The following CC2D2B variants were observed in gnomAD, a reference collection of about 807,000 sequenced individuals.
CC2D2B encodes the protein protein CC2D2B.
Under a neutral mutation model 161.2 loss-of-function variants are expected in CC2D2B, and 128 were observed. The observed-to-expected ratio is 0.79, with a 90% CI of 0.69 to 0.92. The LOEUF (loss-of-function observed/expected upper bound fraction) is 0.92, where lower values mean the gene tolerates loss of function less well. CC2D2B is among the 40% of genes least tolerant of loss of function. The pLI is 0.00. For synonymous variants in CC2D2B, 391 were observed against 449.8 expected (o/e 0.87, Z 1.65); for missense variants, 1,173 against 1,375.1 (o/e 0.85, Z 2.32).
intron 24 of CC2D2B, among the ~76,000 whole-genome samples, chr10:95,998,179 C>G (rs2078306588): frequency 6.6e-6 from 1 of 151,890 alleles, no homozygotes; most frequent in Non-Finnish European, 1.5e-5. Context: ...CACAAATGCC[C>G]TCACCACAGC....
intron 9 of CC2D2B, among the ~76,000 whole-genome samples, chr10:95,946,683 T>A (rs1175190356): frequency 6.6e-6 from 1 of 152,112 alleles, no homozygotes; most frequent in Non-Finnish European, 1.5e-5. Context: ...TTGCTGTTTG[T>A]CTGCCTCCCT....
chr10:95,951,677 C>T (rs1438414281), intron 10 of CC2D2B, among the ~76,000 whole-genome samples: 1 of 152,010 alleles, frequency 6.6e-6, no homozygotes, highest in Non-Finnish European at 1.5e-5. Context: ...AGAATTTTTT[C>T]CCACAATATT....
At chr10:95,925,404 C>T (rs1480766004) in intron 5 of CC2D2B, among the ~76,000 whole-genome samples, 4 of 152,156 alleles carry the variant, frequency 2.6e-5, no homozygotes, top group African/African-American at 7.2e-5. Flanking sequence ...TACATAGGAA[C>T]TCAGGGCCCT....
chr10:95,931,385 G>C (rs978680722), intron 6 of CC2D2B, among the ~76,000 whole-genome samples: 4 of 152,026 alleles, frequency 2.6e-5, no homozygotes, highest in African/African-American at 9.7e-5. Context: ...ATCTCCTTCA[G>C]TTCTGCTCTG....
intron 24 of CC2D2B, chr10:96,000,284 G>C: frequency 1.0e-6 from 1 of 994,026 alleles, no homozygotes; most frequent in African/African-American, 1.7e-5. Flanking sequence ...CCAGCCGAAA[G>C]GATACTTTTC....
rs114485171 is a variant in CC2D2B, at chr10:95,926,126, C to A, written c.241-1111C>A. ...CAGACTAAAAAGTGATGTTTATGTGCATGTTATTCACTCAACACATGAATT... is the reference window on the plus strand; with the variant it reads ...CAGACTAAAAAGTGATGTTTATGTGAATGTTATTCACTCAACACATGAATT... On this transcript the variant is annotated intron_variant, in intron 5 of 34. Coordinates refer to ENST00000646931, the MANE Select transcript of CC2D2B (RefSeq NM_001349008.3). Among the ~76,000 whole-genome samples, 449 of 151,986 alleles carry A rather than the reference C, an allele frequency of 3.0e-3. 1 individual carries two copies. The highest frequency in any genetic ancestry group is 0.01 in the African/African-American group (423 of 41,450).
Position 96,004,203 on chromosome 10 carries a change from C to A in CC2D2B, c.2901C>A (p.Asn967Lys). ...CAAGCTTATCTAAAATAAAAGATAA[C>A]ATATATATCAACATTTTTGATGAAA... is the stretch of plus-strand genomic sequence containing the variant. ...SFSSLSKIKDNIYINIFDEMM... is the reference protein window; with the variant it reads ...SFSSLSKIKDKIYINIFDEMM... Residue 967 changes from asparagine (N) to lysine (K), a missense_variant, in exon 25 of 35, where the codon AAC (asparagine) becomes AAA (lysine). This residue lies in a region of CC2D2B where 598 missense variants were observed against 693.2 expected (regional missense o/e 0.86). Coordinates refer to ENST00000646931, the MANE Select transcript of CC2D2B (RefSeq NM_001349008.3). The A allele has an allele frequency of 4.5e-6, 7 of 1,551,856 alleles. No homozygotes were observed. Among genetic ancestry groups the A allele is most frequent in the Non-Finnish European group, 6.1e-6 (7 of 1,149,178 alleles).
At chr10:96,006,556 G>A (rs1183674735) in intron 25 of CC2D2B, among the ~76,000 whole-genome samples, 2 of 151,954 alleles carry the variant, frequency 1.3e-5, no homozygotes, top group Non-Finnish European at 2.9e-5. Flanking sequence ...ATTTAGTCAA[G>A]CCACTGTCCC....
intron 1 of CC2D2B, among the ~76,000 whole-genome samples, chr10:95,910,717 ATATC>A (rs1286800209): frequency 6.6e-6 from 1 of 152,216 alleles, no homozygotes; most frequent in Non-Finnish European, 1.5e-5. Context: ...CCTCCATAGA[ATATC>A]TATATTTAAT....
rs1334251115 is a variant in CC2D2B, at chr10:95,922,066, T to C, written c.87T>C (p.His29=). The C allele has an allele frequency of 1.3e-6, 2 of 1,527,904 alleles. No homozygotes were observed. The highest frequency in any genetic ancestry group is 8.9e-7 in the Non-Finnish European group (1 of 1,127,840). 94.6% of individuals were successfully genotyped at this position (1,527,904 alleles called of 1,614,324 possible). ...NITAEEIIDK[H]LQKDLDAEEN... is the part of the protein sequence containing the mutation. ...CAGCTGAAGAAATTATAGACAAGCA[T>C]CTCCAAAAAGGTTCTCAATAAGTAT... The change falls in exon 3 of 35, where the codon CAT becomes CAC. Residue 29 remains histidine (H), a synonymous_variant. Transcript: ENST00000646931.
intron 25 of CC2D2B, among the ~76,000 whole-genome samples, chr10:96,007,036 A>G (rs2078780106): frequency 6.6e-6 from 1 of 152,036 alleles, no homozygotes; most frequent in Non-Finnish European, 1.5e-5. Flanking sequence ...TTTTTATTTG[A>G]CTTTGAAGTT....
chr10:95,971,877 G>A (rs1341788709), intron 15 of CC2D2B, among the ~76,000 whole-genome samples, 189 bp from the exon 16 acceptor site: 1 of 152,146 alleles, frequency 6.6e-6, no homozygotes, highest in Non-Finnish European at 1.5e-5. Flanking sequence ...TATGGAGCCA[G>A]TAAAAGGCAT....
rs2098546357 is a variant in CC2D2B at position 95,929,747 on chromosome 10, T to A, written c.336+2415T>A. On this transcript the variant is annotated intron_variant, in intron 6 of 34. Coordinates refer to ENST00000646931, the MANE Select transcript of CC2D2B (RefSeq NM_001349008.3). ...TTCTGAGGCCTCTGTTCTGTTCCAT[T>A]AGTCTATATATCTATTTTGGTACCA... 4.6e-5 allele frequency among the ~76,000 whole-genome samples: 7 copies of A among 152,184 alleles called. No individual in the cohort carries two copies. In the South Asian group the frequency reaches 1.4e-3, roughly 32 times the overall value.
intron 22 of CC2D2B, chr10:95,992,948 C>T: frequency 3.6e-6 from 1 of 275,728 alleles, no homozygotes; most frequent in Non-Finnish European, 6.8e-6. Flanking sequence ...GCATGCTCAC[C>T]TTCTCATACT....
intron 22 of CC2D2B, among the ~76,000 whole-genome samples, chr10:95,993,847 T>C (rs1368990647): frequency 1.9e-5 from 2 of 106,236 alleles, no homozygotes; most frequent in Non-Finnish European, 3.5e-5. Context: ...TATATATATA[T>C]ATATAGAGAG....
At chr10:96,005,891 T>C (rs1469819523) in intron 25 of CC2D2B, among the ~76,000 whole-genome samples, 4 of 152,132 alleles carry the variant, frequency 2.6e-5, no homozygotes, top group Non-Finnish European at 4.4e-5. Flanking sequence ...TTTAAAAAAA[T>C]AGTTATTTTC....
chr10:95,953,447 G>A (rs1483317397), intron 10 of CC2D2B, among the ~76,000 whole-genome samples: 1 of 152,042 alleles, frequency 6.6e-6, no homozygotes, highest in African/African-American at 2.4e-5. Flanking sequence ...AGCAATCCTC[G>A]TACCTCAGCT....
intron 19 of CC2D2B, among the ~76,000 whole-genome samples, chr10:95,986,906 A>C (rs2141632024): frequency 6.6e-6 from 1 of 152,300 alleles, no homozygotes; most frequent in Middle Eastern, 3.4e-3. Flanking sequence ...CAGATTAATA[A>C]ATTTTATAAC....
In CC2D2B at chr10:96,016,281, G is replaced by A. The variant is rs780104103; in HGVS notation, c.3597G>A (p.Lys1199=). 4.3e-6 allele frequency: 7 copies of A among 1,612,528 alleles called. No homozygotes were observed. In the South Asian group the frequency reaches 6.6e-5, roughly 15 times the overall value. The change falls in exon 30 of 35, where the codon AAG becomes AAA. Residue 1199 remains lysine, a synonymous_variant. Transcript: ENST00000646931. ...LCNFFLYFGK[K]ALVLLGTSVL... The stretch of plus-strand genomic sequence containing the variant: ...ATTTCTTTCTGTATTTTGGAAAGAA[G>A]GCACTGGTCCTCTTGGGAACGTCAG...
Sources: gnomAD v4.1 joint callset for allele counts (sites outside exome capture counted in the v4.1 genomes callset) on GRCh38, gnomAD v4.1.1 for gene constraint, gnomAD v4.1.1 regional missense constraint, MANE v1.5 for transcripts, NCBI Gene and HGNC (gene_info 2026-07-23, HGNC 2026-07-21) for gene names.